DYRK3: variants seen among roughly 807,000 people sequenced by gnomAD.
DYRK3 encodes dual specificity tyrosine phosphorylation regulated kinase 3, also known as dual specificity tyrosine-phosphorylation-regulated kinase 3.
A neutral mutation model predicts 40.8 loss-of-function variants in DYRK3; 30 were observed. That is an observed-to-expected ratio of 0.74 (90% CI 0.55 to 1.00). The LOEUF (loss-of-function observed/expected upper bound fraction) is 1.00, where lower values mean the gene tolerates loss of function less well. Ranked by LOEUF, DYRK3 falls within the 50% of genes least tolerant of loss-of-function variation. DYRK3 has a pLI of 0.00. For synonymous variants in DYRK3, 272 were observed against 260.7 expected, an observed-to-expected ratio of 1.04 and a Z score of -0.42; for missense variants, 699 against 731.5, an observed-to-expected ratio of 0.96 and a Z score of 0.51.
chr1:206,644,030 G>GTTTTTTTTTT (rs1558557214), intron 2 of DYRK3, among the ~76,000 whole-genome samples: 20 of 88,062 alleles, frequency 2.3e-4, no homozygotes, highest in Non-Finnish European at 4.4e-4. Context: ...GGGACCTACA[G>GTTTTTTTTTT]CTTTTTTTTT....
At position 206,652,313 on chromosome 1, in the gene DYRK3, T is replaced by C. The variant is rs1243606505; in HGVS notation, c.*3348T>C. On this transcript the variant is annotated 3_prime_UTR_variant, in exon 3 of 3. Transcript: ENST00000367109. ...TAAAAGCATTACTACCCCATATGCATCTGATGTACACTGTGTTTTGGTGTT... is the reference window on the plus strand; with the variant it reads ...TAAAAGCATTACTACCCCATATGCACCTGATGTACACTGTGTTTTGGTGTT... Among the ~76,000 whole-genome samples, 2 of 152,156 alleles carry C rather than the reference T, an allele frequency of 1.3e-5. No individual in the cohort carries two copies. The highest frequency in any genetic ancestry group is 2.1e-4 in the South Asian group (1 of 4,826).
At chr1:206,641,477 A>T (rs1572443993) in intron 2 of DYRK3, among the ~76,000 whole-genome samples, 1 of 149,548 alleles carries the variant, frequency 6.7e-6, no homozygotes, top group East Asian at 2.0e-4. Context: ...TTCTTTATCT[A>T]CTCCTTGATT....
In DYRK3 at chr1:206,647,346, TC is replaced by T. The variant is rs781849434; in HGVS notation, c.190-41del. On this transcript the variant is annotated intron_variant, in intron 2 of 2. Transcript: ENST00000367109. ...GGAGGAGGGAGGATTCTTCCATCTT[TC>T]TAATGTTTTTAATGACTTATATTCA... 2.6e-6 allele frequency: 4 copies of T among 1,521,744 alleles called. No individual in the cohort carries two copies. In the South Asian group the frequency reaches 4.0e-5, roughly 15 times the overall value. The allele number at this position is 1,521,744 out of a possible 1,614,324, so 94.3% of individuals were successfully genotyped here.
chr1:206,635,824 C>T, intron 1 of DYRK3, 44 bp downstream of exon 1: 3 of 1,242,580 alleles, frequency 2.4e-6, no homozygotes, highest in Non-Finnish European at 3.0e-6. Context: ...CCACAGGGAG[C>T]GGCTGGCGCT....
rs782053343 is a variant in DYRK3, at chr1:206,648,085, A to T, written c.887A>T (p.Tyr296Phe). Residue 296 changes from tyrosine (Y) to phenylalanine (F), a missense_variant, in exon 3 of 3, where the codon TAT (tyrosine) becomes TTT (phenylalanine). Coordinates refer to ENST00000367109, the MANE Select transcript of DYRK3 (RefSeq NM_003582.4). Reference sequence around the variant, plus strand: ...TTTGAATTGCTGAGCATAGACCTTTATGAGCTGATTAAAAAAAATAAGTTT... The same window carrying T: ...TTTGAATTGCTGAGCATAGACCTTTTTGAGCTGATTAAAAAAAATAAGTTT... ...MAFELLSIDL[Y>F]ELIKKNKFQG... is the part of the protein sequence containing the mutation. 1.2e-6 allele frequency: 2 copies of T among 1,614,136 alleles called. No homozygotes were observed. Among genetic ancestry groups the T allele is most frequent in the South Asian group, 2.2e-5 (2 of 91,084 alleles).
chr1:206,648,234 C>A lies in DYRK3; in HGVS notation c.1036C>A (p.His346Asn), dbSNP rs1553420616. Residue 346 changes from histidine (H) to asparagine (N), a missense_variant, in exon 3 of 3, where the codon CAC (histidine) becomes AAC (asparagine). Physicochemically the swap from His to Asn is moderately conservative, Grantham distance 68 (BLOSUM62 1). Transcript: ENST00000367109. Reference sequence around the variant, plus strand: ...GCCAGAAAACATTCTCCTGAAACACCACGGGCGCAGTTCAACCAAGGTCAT... The same window carrying A: ...GCCAGAAAACATTCTCCTGAAACACAACGGGCGCAGTTCAACCAAGGTCAT... ...LKPENILLKH[H>N]GRSSTKVIDF... 6.2e-7 allele frequency: 1 copy of A among 1,614,006 alleles called. No homozygotes were observed. The highest frequency in any genetic ancestry group is 8.5e-7 in the Non-Finnish European group (1 of 1,180,046).
intron 1 of DYRK3, 147 bp downstream of exon 1, chr1:206,635,927 C>A: frequency 7.6e-7 from 1 of 1,311,434 alleles, no homozygotes; most frequent in Admixed American, 3.6e-5. Flanking sequence ...GGGACCGCCC[C>A]CACCTCCTCT....
At position 206,647,920 on chromosome 1, in the gene DYRK3, G is replaced by T. The variant is rs200522366; in HGVS notation, c.722G>T (p.Arg241Leu). The T allele has an allele frequency of 1.2e-6, 2 of 1,613,966 alleles. No homozygotes were observed. Among genetic ancestry groups the T allele is most frequent in the Non-Finnish European group, 1.7e-6 (2 of 1,179,990 alleles). ...LRQYVALKMV[R>L]NEKRFHRQAA... Reference sequence around the variant, plus strand: ...CAGTACGTGGCCCTAAAAATGGTGCGCAATGAGAAGCGCTTTCATCGTCAA... The same window carrying T: ...CAGTACGTGGCCCTAAAAATGGTGCTCAATGAGAAGCGCTTTCATCGTCAA... Residue 241 changes from arginine (R) to leucine (L), a missense_variant, in exon 3 of 3, where the codon CGC (arginine) becomes CTC (leucine). Transcript: ENST00000367109.
intron 1 of DYRK3, among the ~76,000 whole-genome samples, chr1:206,636,618 A>G (rs1553418375): frequency 1.3e-5 from 2 of 148,804 alleles, no homozygotes; most frequent in African/African-American, 5.0e-5. Context: ...ACATCTATAA[A>G]GAAAACTCTA....
rs1483020811 is a variant in DYRK3 at position 206,652,758 on chromosome 1, G to A, written c.*3793G>A. Among the ~76,000 whole-genome samples the A allele has an allele frequency of 2.0e-5, 3 of 152,194 alleles. No individual in the cohort carries two copies. The East Asian group carries it at 5.8e-4, about 29-fold the overall frequency. On this transcript the variant is annotated 3_prime_UTR_variant, in exon 3 of 3. Transcript: ENST00000367109. ...ACTCTATGCCACCTTATTGGCCACT[G>A]TTAAAAGTTTCACTTGGATCCCTGC...
Position 206,652,448 on chromosome 1 carries a change from A to G in DYRK3, c.*3483A>G, listed in dbSNP as rs567729276. 4.1e-4 allele frequency among the ~76,000 whole-genome samples: 63 copies of G among 152,322 alleles called. No homozygotes were observed. The highest frequency in any genetic ancestry group is 1.4e-3 in the African/African-American group (60 of 41,558). On this transcript the variant is annotated 3_prime_UTR_variant, in exon 3 of 3. Coordinates refer to ENST00000367109, the MANE Select transcript of DYRK3 (RefSeq NM_003582.4). Reference sequence around the variant, plus strand: ...ATTTCTGTGTATCGAATGGACTACAAGGTTACTGAAACTGGGCTAAGGGAA... The same window carrying G: ...ATTTCTGTGTATCGAATGGACTACAGGGTTACTGAAACTGGGCTAAGGGAA...
At position 206,647,942 on chromosome 1, in the gene DYRK3, T is replaced by G. The variant is rs1671507174; in HGVS notation, c.744T>G (p.Arg248=). 7.4e-6 allele frequency: 12 copies of G among 1,614,084 alleles called. No individual in the cohort carries two copies. Among genetic ancestry groups the G allele is most frequent in the Non-Finnish European group, 1.0e-5 (12 of 1,180,020 alleles). ...KMVRNEKRFH[R]QAAEEIRILE... ...TGCGCAATGAGAAGCGCTTTCATCG[T>G]CAAGCAGCTGAGGAGATCCGGATTT... is the stretch of plus-strand genomic sequence containing the variant. The change falls in exon 3 of 3, where the codon CGT becomes CGG. Residue 248 remains arginine, a synonymous_variant. Coordinates refer to ENST00000367109, the MANE Select transcript of DYRK3 (RefSeq NM_003582.4).
intron 2 of DYRK3, among the ~76,000 whole-genome samples, chr1:206,644,443 T>C (rs1671391565): frequency 6.6e-6 from 1 of 152,204 alleles, no homozygotes; most frequent in Non-Finnish European, 1.5e-5. Flanking sequence ...TTTAGATGAA[T>C]TAAAGTTAGG....
chr1:206,644,291 T>G (rs1383852794), intron 2 of DYRK3, among the ~76,000 whole-genome samples: 1 of 151,960 alleles, frequency 6.6e-6, no homozygotes, highest in African/African-American at 2.4e-5. Context: ...CACTTTGGCC[T>G]CCAAAAGTGC....
rs569992816 is a variant in DYRK3 at position 206,650,841 on chromosome 1, C to T, written c.*1876C>T. ...TAAATGTCCACAGTGGCTTTAGTCTCCCAAGTACAAGGGCCAGATGGCAGA... is the reference window on the plus strand; with the variant it reads ...TAAATGTCCACAGTGGCTTTAGTCTTCCAAGTACAAGGGCCAGATGGCAGA... On this transcript the variant is annotated 3_prime_UTR_variant, in exon 3 of 3. Transcript: ENST00000367109. Among the ~76,000 whole-genome samples, 2 of 152,272 alleles carry T rather than the reference C, an allele frequency of 1.3e-5. No individual in the cohort carries two copies. Among genetic ancestry groups the T allele is most frequent in the South Asian group, 4.1e-4 (2 of 4,820 alleles).
At chr1:206,641,062 C>G (rs573730352) in intron 2 of DYRK3, among the ~76,000 whole-genome samples, 1 of 151,708 alleles carries the variant, frequency 6.6e-6, no homozygotes, top group South Asian at 2.1e-4. Context: ...GATTATAACC[C>G]TAGACTAGAA....
Position 206,642,501 on chromosome 1 carries a change from T to C in DYRK3, c.189+4740T>C, listed in dbSNP as rs144161270. On this transcript the variant is annotated intron_variant, in intron 2 of 2. Coordinates refer to ENST00000367109, the MANE Select transcript of DYRK3 (RefSeq NM_003582.4). ...ACATGTATGTTTATTGTGGCACTATTCACAATAGCAAAGACTTGGAACCAA... is the reference window on the plus strand; with the variant it reads ...ACATGTATGTTTATTGTGGCACTATCCACAATAGCAAAGACTTGGAACCAA... Among the ~76,000 whole-genome samples, 592 of 152,340 alleles carry C rather than the reference T, an allele frequency of 3.9e-3. 4 individuals carry two copies. The highest frequency in any genetic ancestry group is 0.012 in the African/African-American group (519 of 41,560).
chr1:206,649,163 A>C lies in DYRK3; in HGVS notation c.*198A>C. ...TAACCAGCTTGTATTGGCCATCTGG[A>C]ATATGCATTAAATGACTTTTTATAG... On this transcript the variant is annotated 3_prime_UTR_variant, in exon 3 of 3. Transcript: ENST00000367109. 3.6e-6 allele frequency: 2 copies of C among 550,800 alleles called. No homozygotes were observed. Among genetic ancestry groups the C allele is most frequent in the Admixed American group, 7.0e-5 (2 of 28,706 alleles). The allele number at this position is 550,800 out of a possible 1,614,324, so 34.1% of individuals were successfully genotyped here. A position where few individuals can be genotyped will look rare whatever the true frequency, so the allele number is the denominator to read the frequency against.
intron 2 of DYRK3, 81 bp from the exon 3 acceptor site, chr1:206,647,304 TTTG>T: frequency 2.2e-6 from 3 of 1,354,294 alleles, no homozygotes; most frequent in Non-Finnish European, 3.0e-6. Flanking sequence ...CTGGACATGT[TTTG>T]TTGTTATTCA....
Sources: gnomAD v4.1 joint callset for allele counts (sites outside exome capture counted in the v4.1 genomes callset) on GRCh38, gnomAD v4.1.1 for gene constraint, MANE v1.5 for transcripts, NCBI Gene and HGNC (gene_info 2026-07-23, HGNC 2026-07-21) for gene names.